The following CELF4 variants were observed in gnomAD, a reference collection of about 807,000 sequenced individuals.
The protein encoded by CELF4 is CUG-BP- and ETR-3-like factor 4.
A neutral mutation model predicts 59.9 loss-of-function variants in CELF4; 18 were observed. The observed-to-expected ratio is 0.30, with a 90% CI of 0.21 to 0.45. The LOEUF (loss-of-function observed/expected upper bound fraction) is 0.45, where lower values mean the gene tolerates loss of function less well. Ranked by LOEUF, CELF4 falls within the 20% of genes least tolerant of loss-of-function variation. CELF4 has a pLI of 1.00. For synonymous variants in CELF4, 261 were observed against 267.1 expected (o/e 0.98, Z 0.22); for missense variants, 456 against 689.0 (o/e 0.66, Z 3.79).
intron 2 of CELF4, among the ~76,000 whole-genome samples, chr18:37,475,080 G>A (rs1473455467): frequency 6.6e-6 from 1 of 152,200 alleles, no homozygotes; most frequent in African/African-American, 2.4e-5. Context: ...TCCCAGTGGG[G>A]TTCAGCAACA....
At chr18:37,409,851 A>T (rs1197444906) in intron 2 of CELF4, among the ~76,000 whole-genome samples, 9 of 152,202 alleles carry the variant, frequency 5.9e-5, no homozygotes, top group Admixed American at 1.3e-4. Flanking sequence ...ACCACCTGCC[A>T]TTCTGCCATT....
At chr18:37,333,369 C>T (rs573288010) in intron 2 of CELF4, among the ~76,000 whole-genome samples, 16 of 150,738 alleles carry the variant, frequency 1.1e-4, no homozygotes, top group Admixed American at 7.9e-4. Flanking sequence ...TCCCCCTCCT[C>T]TCCCTTCTTC....
At chr18:37,542,445 C>G (rs1220949212) in intron 1 of CELF4, among the ~76,000 whole-genome samples, 1 of 152,198 alleles carries the variant, frequency 6.6e-6, no homozygotes, top group Non-Finnish European at 1.5e-5. Flanking sequence ...GATGTGGGTA[C>G]TTAACCACAA....
At chr18:37,459,934 G>A (rs1307797108) in intron 2 of CELF4, among the ~76,000 whole-genome samples, 1 of 152,236 alleles carries the variant, frequency 6.6e-6, no homozygotes, top group Non-Finnish European at 1.5e-5. Flanking sequence ...TGAATGGCAT[G>A]ATGTGCAGTT....
At chr18:37,527,206 C>A (rs1364033029) in intron 1 of CELF4, among the ~76,000 whole-genome samples, 1 of 151,720 alleles carries the variant, frequency 6.6e-6, no homozygotes, top group Non-Finnish European at 1.5e-5. Context: ...CACCAGAAGC[C>A]AAAAATACCA....
chr18:37,510,066 A>G (rs2154604247), intron 1 of CELF4, among the ~76,000 whole-genome samples: 1 of 152,370 alleles, frequency 6.6e-6, no homozygotes, highest in African/African-American at 2.4e-5. Context: ...GATGATGAAT[A>G]TGTCTCAGAA....
chr18:37,552,389 C>T (rs1480164985), intron 1 of CELF4, among the ~76,000 whole-genome samples: 1 of 152,176 alleles, frequency 6.6e-6, no homozygotes, highest in Non-Finnish European at 1.5e-5. Flanking sequence ...ATTTCCTACC[C>T]ACTCCCTGCT....
intron 2 of CELF4, among the ~76,000 whole-genome samples, chr18:37,390,876 T>C (rs1349402136): frequency 1.3e-5 from 2 of 151,068 alleles, no homozygotes; most frequent in African/African-American, 2.4e-5. Flanking sequence ...AAGCTCCAGG[T>C]GCCCGGTGCA....
chr18:37,248,250 A>T (rs550428039), intron 12 of CELF4, among the ~76,000 whole-genome samples: 1 of 152,300 alleles, frequency 6.6e-6, no homozygotes, highest in East Asian at 1.9e-4. Context: ...ATGTTCTTGG[A>T]ATTCTAGAAA....
At chr18:37,291,303 C>T (rs1433858055) in intron 3 of CELF4, among the ~76,000 whole-genome samples, 1 of 152,152 alleles carries the variant, frequency 6.6e-6, no homozygotes, top group Non-Finnish European at 1.5e-5. Context: ...GTGATCCCTG[C>T]CTCACAACAC....
At chr18:37,437,675 G>A (rs779929147) in intron 2 of CELF4, among the ~76,000 whole-genome samples, 5 of 152,204 alleles carry the variant, frequency 3.3e-5, no homozygotes, top group Non-Finnish European at 7.3e-5. Flanking sequence ...CCAGGCAGGT[G>A]GGCAGAGGAG....
At chr18:37,470,887 T>TGTGTGTGTGAGAGAGAGAGAGAGAGA (rs1325788685) in intron 2 of CELF4, among the ~76,000 whole-genome samples, 1 of 71,928 alleles carries the variant, frequency 1.4e-5, no homozygotes, top group Admixed American at 1.8e-4. Context: ...TGTGTGTGTG[T>TGTGTGTGTGAGAGAGAGAGAGAGAGA]GACAGAGAGA....
chr18:37,257,001 T>C (rs919171315), intron 11 of CELF4, among the ~76,000 whole-genome samples: 1 of 152,208 alleles, frequency 6.6e-6, no homozygotes, highest in South Asian at 2.1e-4. Context: ...CTCAGGAGTC[T>C]GTCCTTTTTT....
chr18:37,529,014 A>T (rs1474120124), intron 1 of CELF4: 1 of 152,072 alleles, frequency 6.6e-6, no homozygotes, highest in Non-Finnish European at 1.5e-5. Context: ...CCAAATTGCT[A>T]CTTTCCCAGA....
At chr18:37,255,500 A>C (rs1173299226) in intron 11 of CELF4, among the ~76,000 whole-genome samples, 3 of 151,412 alleles carry the variant, frequency 2.0e-5, no homozygotes, top group Non-Finnish European at 4.4e-5. Flanking sequence ...TAGATACCAG[A>C]ATAAATAGGG....
intron 3 of CELF4, among the ~76,000 whole-genome samples, chr18:37,303,178 A>C (rs1042742590): frequency 2.0e-5 from 3 of 152,086 alleles, no homozygotes; most frequent in African/African-American, 7.2e-5. Flanking sequence ...GCATGACAGA[A>C]GTGCAGCAGA....
chr18:37,453,983 G>A (rs541016561), intron 2 of CELF4, among the ~76,000 whole-genome samples: 2 of 152,060 alleles, frequency 1.3e-5, no homozygotes, highest in African/African-American at 4.8e-5. Context: ...TGTTCTTCAG[G>A]CTGACCTTGG....
Position 37,395,911 on chromosome 18 carries a change from A to G in CELF4, c.370-74030T>C, listed in dbSNP as rs188967552. Among the ~76,000 whole-genome samples, 9 of 152,268 alleles carry G rather than the reference A, an allele frequency of 5.9e-5. No individual in the cohort carries two copies. In the East Asian group the frequency reaches 1.7e-3, roughly 29 times the overall value. ...CAGCCCCATCCAGCTAGACTGATCC[A>G]TCTAACTCCCGTGCTCTAAGCCACA... On this transcript the variant is annotated intron_variant, in intron 2 of 12. Coordinates refer to ENST00000420428, the MANE Select transcript of CELF4 (RefSeq NM_020180.4).
At chr18:37,285,844 A>G (rs2094692625) in intron 3 of CELF4, among the ~76,000 whole-genome samples, 1 of 152,156 alleles carries the variant, frequency 6.6e-6, no homozygotes, top group African/African-American at 2.4e-5. Flanking sequence ...GATCTGCTAC[A>G]TTATCCTTAC....
Sources: gnomAD v4.1 joint callset for allele counts (sites outside exome capture counted in the v4.1 genomes callset) on GRCh38, gnomAD v4.1.1 for gene constraint, MANE v1.5 for transcripts, NCBI Gene and HGNC (gene_info 2026-07-23, HGNC 2026-07-21) for gene names.